GLUL: variants seen among roughly 807,000 people sequenced by gnomAD.
GLUL encodes glutamate-ammonia ligase.
A neutral mutation model predicts 36.9 loss-of-function variants in GLUL; 8 were observed. That is an observed-to-expected ratio of 0.22 (90% confidence interval 0.13 to 0.39). The LOEUF (loss-of-function observed/expected upper bound fraction) is 0.39. Ranked by LOEUF, GLUL falls within the 10% of genes least tolerant of loss-of-function variation. GLUL has a pLI of 1.00. For missense variants in GLUL, 315 were observed against 501.8 expected, an observed-to-expected ratio of 0.63 and a Z score of 3.56; for synonymous variants, 182 against 172.8, an observed-to-expected ratio of 1.05 and a Z score of -0.42.
At chr1:182,384,995 A>T in intron 6 of GLUL, 1 of 436,532 alleles carries the variant, frequency 2.3e-6, no homozygotes, top group African/African-American at 2.0e-5. Context: ...GTTCTAAAAG[A>T]TTTTCAAATG....
rs960123809 is a variant in GLUL, at chr1:182,381,991, T to C, written c.*2414A>G. The C allele has an allele frequency of 2.0e-5, 3 of 152,174 alleles. No individual in the cohort carries two copies. The highest frequency in any genetic ancestry group is 7.2e-5 in the African/African-American group (3 of 41,438). The allele number at this position is 152,174 out of a possible 1,614,324, so 9.4% of individuals were successfully genotyped here. A position where few individuals can be genotyped will look rare whatever the true frequency, so the allele number is the denominator to read the frequency against. On this transcript the variant is annotated 3_prime_UTR_variant, in exon 7 of 7. Coordinates refer to ENST00000331872, the MANE Select transcript of GLUL (RefSeq NM_001033044.4). The stretch of plus-strand genomic sequence containing the variant: ...TAAATCATATTACGAGCCAACTTTC[T>C]TAAGAAAAACCACGGATATCTAGGA...
chr1:182,390,511 G>A lies in GLUL; in HGVS notation c.-14+1168C>T, dbSNP rs149699916. 327 of 399,182 alleles carry A rather than the reference G, an allele frequency of 8.2e-4. 1 individual carries two copies. The East Asian group carries it at 0.011, about 13-fold the overall frequency. 24.7% of individuals were successfully genotyped at this position (399,182 alleles called of 1,614,324 possible). A position where few individuals can be genotyped will look rare whatever the true frequency, so the allele number is the denominator to read the frequency against. On this transcript the variant is annotated intron_variant, in intron 1 of 6. Transcript: ENST00000331872. ...CCCTCACTCACCCCAGCCACAGAAAGTCAAGCGTATCGTTAGGGTTGCCCT... is the reference window on the plus strand; with the variant it reads ...CCCTCACTCACCCCAGCCACAGAAAATCAAGCGTATCGTTAGGGTTGCCCT...
rs997586081 is a variant in GLUL, at chr1:182,386,346, G to T, written c.385C>A (p.Pro129Thr). The T allele has an allele frequency of 1.2e-6, 2 of 1,609,858 alleles. No individual in the cohort carries two copies. Among genetic ancestry groups the T allele is most frequent in the African/African-American group, 2.7e-5 (2 of 74,798 alleles). ...TACTCCTGCTCCATGCCAAACCAGGGGTGCTGGTTGCTCACCATGTCCATT... is the reference window on the plus strand; with the variant it reads ...TACTCCTGCTCCATGCCAAACCAGGTGTGCTGGTTGCTCACCATGTCCATT... Reference protein sequence around the residue: ...RIMDMVSNQHPWFGMEQEYTL... With the variant: ...RIMDMVSNQHTWFGMEQEYTL... Residue 129 changes from proline to threonine, a missense_variant, in exon 4 of 7, where the codon CCC (proline) becomes ACC (threonine). Pro to Thr is a conservative substitution (Grantham distance 38). Around this residue, in one of 3 missense-constraint regions of GLUL, gnomAD observed 256 missense variants for 396.1 expected, o/e 0.65. Coordinates refer to ENST00000331872, the MANE Select transcript of GLUL (RefSeq NM_001033044.4).
intron 3 of GLUL, chr1:182,386,613 TCA>T (rs1264895012): frequency 4.9e-6 from 3 of 610,872 alleles, no homozygotes; most frequent in South Asian, 3.7e-5. Flanking sequence ...CTGAAAGACT[TCA>T]GTTTTAACTA....
chr1:182,380,483 T>G lies in GLUL; in HGVS notation c.*3922A>C, dbSNP rs570378889. 9.9e-5 allele frequency among the ~76,000 whole-genome samples: 15 copies of G among 152,086 alleles called. No individual in the cohort carries two copies. Among genetic ancestry groups the G allele is most frequent in the African/African-American group, 3.1e-4 (13 of 41,478 alleles). On this transcript the variant is annotated 3_prime_UTR_variant, in exon 7 of 7. Coordinates refer to ENST00000331872, the MANE Select transcript of GLUL (RefSeq NM_001033044.4). ...TTTAAAAAAAAATTATTTTGTGGAG[T>G]CTGGACCTCACTACATTGCCTAGAA...
In GLUL at chr1:182,386,382, A is replaced by T. The variant is rs1386581993; in HGVS notation, c.349T>A (p.Cys117Ser). The T allele has an allele frequency of 1.9e-6, 3 of 1,612,386 alleles. No individual in the cohort carries two copies. The highest frequency in any genetic ancestry group is 2.5e-6 in the Non-Finnish European group (3 of 1,178,460). Residue 117 changes from cysteine (C) to serine (S), a missense_variant, in exon 4 of 7, where the codon TGT (cysteine) becomes AGT (serine). Physicochemically the swap from Cys to Ser is moderately radical, Grantham distance 112. Around this residue, in one of 3 missense-constraint regions of GLUL, gnomAD observed 256 missense variants for 396.1 expected, o/e 0.65. Transcript: ENST00000331872. The stretch of plus-strand genomic sequence containing the variant: ...CTCACCATGTCCATTATCCGTTTAC[A>T]GGTGTGCCTCAAATTGGTCTCTAGA... Reference protein sequence around the residue: ...RPAETNLRHTCKRIMDMVSNQ... With the variant: ...RPAETNLRHTSKRIMDMVSNQ...
Position 182,380,002 on chromosome 1 carries a change from G to A in GLUL, c.*4403C>T, listed in dbSNP as rs1354835496. Among the ~76,000 whole-genome samples, 4 of 151,830 alleles carry A rather than the reference G, an allele frequency of 2.6e-5. No homozygotes were observed. The highest frequency in any genetic ancestry group is 2.9e-5 in the Non-Finnish European group (2 of 68,002). On this transcript the variant is annotated 3_prime_UTR_variant, in exon 7 of 7. Coordinates refer to ENST00000331872, the MANE Select transcript of GLUL (RefSeq NM_001033044.4). ...TGGGATTACAGGCATGTGCCACCACGCCCGGCTAATTTTTTGTATTTAGTA... is the reference window on the plus strand; with the variant it reads ...TGGGATTACAGGCATGTGCCACCACACCCGGCTAATTTTTTGTATTTAGTA...
At chr1:182,390,648 A>G (rs1650372207) in intron 1 of GLUL, 10 of 399,386 alleles carry the variant, frequency 2.5e-5, no homozygotes, top group Non-Finnish European at 4.4e-5. Flanking sequence ...GGGGACAGAC[A>G]GCGGCCGGCC....
At chr1:182,385,255 G>T in intron 6 of GLUL, 102 bp downstream of exon 6, 2 of 900,924 alleles carry the variant, frequency 2.2e-6, no homozygotes, top group Non-Finnish European at 1.8e-6. Context: ...GCAAATATTT[G>T]CAAGTCATCC....
rs776162704 is a variant in GLUL at position 182,384,397 on chromosome 1, T to A, written c.*8A>T. ...AGGAGGGGCTCAACAGCTGGAGGTC[T>A]AGTCCACTTAATTTTTGTACTGGAA... is the stretch of plus-strand genomic sequence containing the variant. On this transcript the variant is annotated 3_prime_UTR_variant, in exon 7 of 7. Coordinates refer to ENST00000331872, the MANE Select transcript of GLUL (RefSeq NM_001033044.4). 150 of 1,590,516 alleles carry A rather than the reference T, an allele frequency of 9.4e-5. No individual in the cohort carries two copies. Among genetic ancestry groups the A allele is most frequent in the Non-Finnish European group, 1.7e-6 (2 of 1,159,022 alleles).
Position 182,382,575 on chromosome 1 carries a change from G to A in GLUL, c.*1830C>T, listed in dbSNP as rs941526814. 1.3e-5 allele frequency: 2 copies of A among 152,286 alleles called. No individual in the cohort carries two copies. Among genetic ancestry groups the A allele is most frequent in the Non-Finnish European group, 2.9e-5 (2 of 68,126 alleles). 9.4% of individuals were successfully genotyped at this position (152,286 alleles called of 1,614,324 possible). ...AGGCTATTGTATTAGGCTAGGAATG[G>A]TCAAAACAATGTTATGGTAAGCCAA... On this transcript the variant is annotated 3_prime_UTR_variant, in exon 7 of 7. Coordinates refer to ENST00000331872, the MANE Select transcript of GLUL (RefSeq NM_001033044.4).
rs970894205 is a variant in GLUL, at chr1:182,380,922, C to T, written c.*3483G>A. On this transcript the variant is annotated 3_prime_UTR_variant, in exon 7 of 7. Transcript: ENST00000331872. ...GGAACTTCTCATCCACTTGTCTACC[C>T]TTCTACACAGACAGCAGCACAGATC... Among the ~76,000 whole-genome samples the T allele has an allele frequency of 2.0e-5, 3 of 152,214 alleles. No homozygotes were observed. Among genetic ancestry groups the T allele is most frequent in the Non-Finnish European group, 2.9e-5 (2 of 68,034 alleles).
rs763049800 is a variant in GLUL at position 182,385,567 on chromosome 1, G to T, written c.604-11C>A. On this transcript the variant is annotated splice_polypyrimidine_tract_variant and intron_variant, in intron 5 of 6. Coordinates refer to ENST00000331872, the MANE Select transcript of GLUL (RefSeq NM_001033044.4). ...AATCTGAAATTCCCACTAGAAACGA[G>T]AAGCTTGGCCATTAAAACAAAGCTA... is the stretch of plus-strand genomic sequence containing the variant. 6.2e-7 allele frequency: 1 copy of T among 1,612,886 alleles called. No individual in the cohort carries two copies. Among genetic ancestry groups the T allele is most frequent in the East Asian group, 2.2e-5 (1 of 44,892 alleles).
Position 182,379,813 on chromosome 1 carries a change from G to A in GLUL, c.*4592C>T, listed in dbSNP as rs1649864123. Among the ~76,000 whole-genome samples the A allele has an allele frequency of 6.6e-6, 1 of 151,502 alleles. No individual in the cohort carries two copies. The highest frequency in any genetic ancestry group is 2.4e-5 in the African/African-American group (1 of 41,162). ...GGCTTTTCAAAGTGCTGGGATTACA[G>A]GTATGAGCCACCATGCCCAGCCTCA... On this transcript the variant is annotated 3_prime_UTR_variant, in exon 7 of 7. Transcript: ENST00000331872.
At position 182,384,156 on chromosome 1, in the gene GLUL, T is replaced by TC. The variant is rs541187376; in HGVS notation, c.*248dup. ...AAGCAGTGGTTATGTCTCCCCACCC[T>TC]CCTCCCCACTAATGCACTAAAAAGC... On this transcript the variant is annotated 3_prime_UTR_variant, in exon 7 of 7. Coordinates refer to ENST00000331872, the MANE Select transcript of GLUL (RefSeq NM_001033044.4). 4 of 485,672 alleles carry TC rather than the reference T, an allele frequency of 8.2e-6. No homozygotes were observed. The highest frequency in any genetic ancestry group is 1.5e-5 in the Non-Finnish European group (4 of 267,242). The allele number at this position is 485,672 out of a possible 1,614,324, so 30.1% of individuals were successfully genotyped here. A position where few individuals can be genotyped will look rare whatever the true frequency, so the allele number is the denominator to read the frequency against.
Position 182,386,417 on chromosome 1 carries a change from C to A in GLUL, c.329-15G>T. 1 of 1,584,404 alleles carries A rather than the reference C, an allele frequency of 6.3e-7. No homozygotes were observed. The highest frequency in any genetic ancestry group is 8.7e-7 in the Non-Finnish European group (1 of 1,152,984). On this transcript the variant is annotated splice_polypyrimidine_tract_variant and intron_variant, in intron 3 of 6. Coordinates refer to ENST00000331872, the MANE Select transcript of GLUL (RefSeq NM_001033044.4). ...CAAATTGGTCTCTAGAAAAAAGAGT[C>A]AATAATACGCCATCAGGGATCTAAA...
intron 1 of GLUL, chr1:182,390,260 G>T: frequency 2.7e-6 from 1 of 365,438 alleles, no homozygotes; most frequent in Non-Finnish European, 4.9e-6. Context: ...CCAATTTCTC[G>T]GCTGTCCTCT....
At chr1:182,391,082 G>C in intron 1 of GLUL, 1 of 398,386 alleles carries the variant, frequency 2.5e-6, no homozygotes, top group Non-Finnish European at 4.4e-6. Flanking sequence ...CTTCTCCACT[G>C]ACTGCGCCGA....
intron 1 of GLUL, chr1:182,389,527 CACA>C (rs1650320443): frequency 7.0e-6 from 1 of 143,838 alleles, no homozygotes; most frequent in South Asian, 2.3e-4. Context: ...GGGCAAGAAT[CACA>C]ACATTATGGA....
Sources: allele counts gnomAD v4.1 joint callset (sites outside exome capture counted in the v4.1 genomes callset), GRCh38; gene constraint gnomAD v4.1.1; regional missense constraint gnomAD v4.1.1; transcripts MANE v1.5; gene names NCBI Gene and HGNC (gene_info 2026-07-23, HGNC 2026-07-21).